HHLA2: variants seen among roughly 807,000 people sequenced by gnomAD.
HHLA2 encodes the protein HHLA2 member of B7 family, also known as HERV-H LTR-associating protein 2.
In HHLA2, 48 loss-of-function variants were observed where a neutral mutation model predicts 45.9. The ratio of observed to expected loss-of-function variants is 1.05; its 90% CI spans 0.83 to 1.33. The LOEUF is 1.33. Ranked by LOEUF, HHLA2 falls within the 40% of genes most tolerant of loss-of-function variation. The probability of loss-of-function intolerance (pLI) is 0.00; values close to 1 mark genes in which losing one functional copy is unlikely to be tolerated. For synonymous variants in HHLA2, 161 were observed against 173.9 expected (o/e 0.93, Z 0.59); for missense variants, 462 against 494.3 (o/e 0.93, Z 0.62).
At chr3:108,314,882 C>G (rs964446219) in intron 2 of HHLA2, among the ~76,000 whole-genome samples, 7 of 152,154 alleles carry the variant, frequency 4.6e-5, no homozygotes, top group African/African-American at 9.7e-5. Context: ...GCTGAAACAC[C>G]CACTGGGTTG....
Position 108,360,638 on chromosome 3 carries a change from C to T in HHLA2, c.1004-1704C>T, listed in dbSNP as rs541218730. Reference sequence around the variant, plus strand: ...GGTAGTGTGTACAACGTGGATATGCCGGACAAAGGGCGCAGTCACGTCCCA... The same window carrying T: ...GGTAGTGTGTACAACGTGGATATGCTGGACAAAGGGCGCAGTCACGTCCCA... On this transcript the variant is annotated intron_variant, in intron 7 of 10. Coordinates refer to ENST00000619531, the Ensembl canonical transcript of HHLA2. 2.2e-4 allele frequency among the ~76,000 whole-genome samples: 33 copies of T among 152,234 alleles called. No homozygotes were observed. In the South Asian group the frequency reaches 5.6e-3, roughly 26 times the overall value.
exon 11 of HHLA2, chr3:108,377,625 G>T: frequency 4.6e-6 from 1 of 219,162 alleles, no homozygotes; most frequent in Non-Finnish European, 9.1e-6. Context: ...CATCACTAGG[G>T]GTTGATTCCC....
At chr3:108,325,845 C>T in intron 2 of HHLA2, 1 of 373,422 alleles carries the variant, frequency 2.7e-6, no homozygotes, top group Non-Finnish European at 5.2e-6. Flanking sequence ...CCACGACCAC[C>T]ACTCACATCT....
intron 5 of HHLA2, among the ~76,000 whole-genome samples, 152 bp from the exon 5 acceptor site, chr3:108,354,963 T>G (rs1402986235): frequency 6.6e-6 from 1 of 152,134 alleles, no homozygotes; most frequent in Non-Finnish European, 1.5e-5. Context: ...AGGTGTGTGT[T>G]TGTTGGTTTG....
intron 4 of HHLA2, among the ~76,000 whole-genome samples, chr3:108,352,403 T>C (rs922122646): frequency 6.6e-6 from 1 of 151,700 alleles, no homozygotes; most frequent in African/African-American, 2.4e-5. Context: ...CATGGTAGGG[T>C]AGAAAGAGCC....
At chr3:108,362,000 G>A (rs780146754) in intron 7 of HHLA2, among the ~76,000 whole-genome samples, 4 of 152,074 alleles carry the variant, frequency 2.6e-5, no homozygotes, top group East Asian at 1.9e-4. Flanking sequence ...CATAATAGAT[G>A]TATTACCTCT....
intron 8 of HHLA2, among the ~76,000 whole-genome samples, chr3:108,363,522 A>T (rs1035168261): frequency 6.6e-6 from 1 of 152,134 alleles, no homozygotes; most frequent in African/African-American, 2.4e-5. Context: ...ATTATTGAAG[A>T]TACAGTTTTA....
At chr3:108,320,052 A>C (rs1473352771) in intron 2 of HHLA2, among the ~76,000 whole-genome samples, 1 of 152,204 alleles carries the variant, frequency 6.6e-6, no homozygotes, top group East Asian at 1.9e-4. Context: ...CACTTATTTT[A>C]ATAAATTCTG....
At chr3:108,305,781 G>A (rs529140705) in intron 1 of HHLA2, among the ~76,000 whole-genome samples, 50 of 152,318 alleles carry the variant, frequency 3.3e-4, no homozygotes, top group Non-Finnish European at 5.3e-4. Context: ...GAGGCACACA[G>A]ACTTTGGTCT....
At chr3:108,331,258 T>G (rs2081381040) in intron 3 of HHLA2, among the ~76,000 whole-genome samples, 1 of 152,198 alleles carries the variant, frequency 6.6e-6, no homozygotes, top group Non-Finnish European at 1.5e-5. Context: ...CTATGGGGAT[T>G]TGTATTTTTA....
chr3:108,312,037 C>T (rs992293444), intron 2 of HHLA2, among the ~76,000 whole-genome samples: 10 of 152,232 alleles, frequency 6.6e-5, no homozygotes, highest in South Asian at 2.1e-4. Context: ...AGGCGGAAAA[C>T]GGGAGGGCTG....
intron 2 of HHLA2, among the ~76,000 whole-genome samples, chr3:108,313,288 T>C (rs1300329344): frequency 6.6e-6 from 1 of 152,118 alleles, no homozygotes; most frequent in Non-Finnish European, 1.5e-5. Context: ...ACGAGCAGGA[T>C]TGTGATTCGG....
At chr3:108,328,421 A>G in intron 3 of HHLA2, 1 of 948,958 alleles carries the variant, frequency 1.1e-6, no homozygotes, top group Non-Finnish European at 1.6e-6. Flanking sequence ...CTGCATGACC[A>G]GGAAACATTT....
At chr3:108,310,604 A>C (rs2081002354) in intron 1 of HHLA2, 51 bp from the exon 2 acceptor site, 1 of 152,634 alleles carries the variant, frequency 6.6e-6, no homozygotes, top group South Asian at 2.1e-4. Context: ...ATTGGCAGTG[A>C]GAATAAATTT....
chr3:108,336,309 C>A (rs947654624), intron 3 of HHLA2, among the ~76,000 whole-genome samples: 2 of 152,070 alleles, frequency 1.3e-5, no homozygotes, highest in Non-Finnish European at 2.9e-5. Context: ...TGGTTAGGCA[C>A]TGAACTAGTG....
At chr3:108,312,196 T>C (rs960571726) in intron 2 of HHLA2, among the ~76,000 whole-genome samples, 4 of 152,246 alleles carry the variant, frequency 2.6e-5, no homozygotes, top group African/African-American at 9.6e-5. Flanking sequence ...CTTCTTCTGT[T>C]ATCCCTCCAG....
intron 3 of HHLA2, among the ~76,000 whole-genome samples, chr3:108,348,301 C>T (rs963259669): frequency 5.3e-5 from 8 of 152,058 alleles, no homozygotes; most frequent in Admixed American, 2.0e-4. Flanking sequence ...CAGTCAATTA[C>T]ATTAAATGCT....
chr3:108,297,831 G>T (rs528695550), intron 1 of HHLA2, among the ~76,000 whole-genome samples: 15 of 152,240 alleles, frequency 9.9e-5, no homozygotes, highest in African/African-American at 3.1e-4. Context: ...TTAATATTTT[G>T]ATCATTAACC....
intron 1 of HHLA2, among the ~76,000 whole-genome samples, chr3:108,305,522 C>T (rs1247725037): frequency 6.6e-6 from 1 of 152,168 alleles, no homozygotes; most frequent in Non-Finnish European, 1.5e-5. Flanking sequence ...TAAGCAGTTC[C>T]ATATATCCCA....
Sources: allele counts gnomAD v4.1 joint callset (sites outside exome capture counted in the v4.1 genomes callset), GRCh38; gene constraint gnomAD v4.1.1; transcripts MANE v1.5; gene names NCBI Gene and HGNC (gene_info 2026-07-23, HGNC 2026-07-21).